LEF1: variants seen among roughly 807,000 people sequenced by gnomAD.
The protein encoded by LEF1 is lymphoid enhancer binding factor 1, also known as lymphoid enhancer-binding factor 1.
LEF1 carries 14 observed loss-of-function variants against 51.2 expected under a neutral mutation model. The ratio of observed to expected loss-of-function variants is 0.27; its 90% confidence interval spans 0.18 to 0.43. The LOEUF is 0.43. Among genes scored for constraint, LEF1 ranks in the 20% least tolerant of loss-of-function variants. The pLI is 1.00. For synonymous variants in LEF1, 185 were observed against 183.2 expected (o/e 1.01, Z -0.08); for missense variants, 386 against 512.0 (o/e 0.75, Z 2.37).
intron 10 of LEF1, 99 bp downstream of exon 10, chr4:108,064,237 A>G: frequency 6.8e-6 from 5 of 732,058 alleles, no homozygotes; most frequent in Non-Finnish European, 9.5e-6. Flanking sequence ...ATCATAAGTT[A>G]CAGTCACAGA....
chr4:108,089,283 G>T, intron 3 of LEF1, 26 bp from the exon 4 acceptor site: 1 of 1,603,538 alleles, frequency 6.2e-7, no homozygotes, highest in South Asian at 1.1e-5. Flanking sequence ...AAGGTCAATA[G>T]TTAATATGGA....
intron 1 of LEF1, chr4:108,166,166 T>C: frequency 1.7e-6 from 2 of 1,161,718 alleles, no homozygotes; most frequent in Non-Finnish European, 2.3e-6. Context: ...CGGGGTTAGG[T>C]GCACCCTACC....
intron 3 of LEF1, among the ~76,000 whole-genome samples, chr4:108,119,616 T>C (rs1181433954): frequency 1.3e-5 from 2 of 152,190 alleles, no homozygotes; most frequent in African/African-American, 4.8e-5. Context: ...TTTCAGGATG[T>C]GGCCTGTTTG....
intron 4 of LEF1, among the ~76,000 whole-genome samples, chr4:108,084,508 T>C (rs1055958311): frequency 3.3e-5 from 5 of 152,240 alleles, no homozygotes; most frequent in African/African-American, 9.6e-5. Context: ...GGAATTTCAT[T>C]TGTATCTTAA....
chr4:108,080,484 C>T (rs1739212239), intron 6 of LEF1, among the ~76,000 whole-genome samples: 1 of 152,166 alleles, frequency 6.6e-6, no homozygotes, highest in Non-Finnish European at 1.5e-5. Flanking sequence ...GAAAGGAACT[C>T]TGCTAGGATA....
At chr4:108,073,986 C>T (rs938162612) in intron 8 of LEF1, among the ~76,000 whole-genome samples, 17 of 152,010 alleles carry the variant, frequency 1.1e-4, no homozygotes, top group South Asian at 6.2e-4. Context: ...CCACCACGCC[C>T]GGCTACTTTT....
chr4:108,059,882 G>T (rs926743490), intron 11 of LEF1, among the ~76,000 whole-genome samples: 2 of 152,092 alleles, frequency 1.3e-5, no homozygotes, highest in African/African-American at 4.8e-5. Flanking sequence ...AAGGGATCTT[G>T]CCATGTTGCT....
At chr4:108,061,171 A>G (rs1010752649) in intron 11 of LEF1, among the ~76,000 whole-genome samples, 1 of 152,172 alleles carries the variant, frequency 6.6e-6, no homozygotes, top group African/African-American at 2.4e-5. Flanking sequence ...AGGAAGCTCA[A>G]CCAACTGGAG....
chr4:108,129,546 G>A (rs143332186), intron 3 of LEF1, among the ~76,000 whole-genome samples: 230 of 152,270 alleles, frequency 1.5e-3, no homozygotes, highest in African/African-American at 5.2e-3. Context: ...GAATAATGGA[G>A]AAGCAAAGGA....
chr4:108,098,339 G>C (rs544068695), intron 3 of LEF1, among the ~76,000 whole-genome samples: 2 of 152,212 alleles, frequency 1.3e-5, no homozygotes, highest in East Asian at 3.9e-4. Flanking sequence ...TGTGGGGGTG[G>C]GGTTCGGCAA....
chr4:108,067,751 A>G (rs1738176441), intron 9 of LEF1, among the ~76,000 whole-genome samples: 1 of 151,720 alleles, frequency 6.6e-6, no homozygotes, highest in Non-Finnish European at 1.5e-5. Context: ...CCTGGTCTCG[A>G]ATGCCTGACC....
rs1743376096 is a variant in LEF1 at position 108,137,544 on chromosome 4, T to C, written c.414+26024A>G. Reference sequence around the variant, plus strand: ...GGCACTGATTTGTTGGCATGAGGATTAGAGGCTGTGTGTGCTGGGGGGAAG... The same window carrying C: ...GGCACTGATTTGTTGGCATGAGGATCAGAGGCTGTGTGTGCTGGGGGGAAG... On this transcript the variant is annotated intron_variant, in intron 3 of 11. Coordinates refer to ENST00000265165, the MANE Select transcript of LEF1 (RefSeq NM_016269.5). Among the ~76,000 whole-genome samples the C allele has an allele frequency of 2.0e-5, 3 of 152,302 alleles. No individual in the cohort carries two copies. The South Asian group carries it at 6.2e-4, about 32-fold the overall frequency.
intron 11 of LEF1, among the ~76,000 whole-genome samples, chr4:108,058,855 A>G (rs989464193): frequency 3.9e-5 from 6 of 152,212 alleles, no homozygotes; most frequent in African/African-American, 1.4e-4. Context: ...TTGCGTGGTG[A>G]GTAAACAAGT....
intron 3 of LEF1, among the ~76,000 whole-genome samples, chr4:108,106,236 C>T (rs564906118): frequency 1.7e-4 from 26 of 152,316 alleles, no homozygotes; most frequent in African/African-American, 6.0e-4. Flanking sequence ...AGTAAAATCT[C>T]ATCACTATTC....
chr4:108,068,175 G>A (rs1738208784), intron 9 of LEF1, among the ~76,000 whole-genome samples: 1 of 152,108 alleles, frequency 6.6e-6, no homozygotes, highest in Non-Finnish European at 1.5e-5. Flanking sequence ...GCTGAGGCTG[G>A]AGAATCGCTT....
At chr4:108,160,922 G>C (rs1470491617) in intron 3 of LEF1, among the ~76,000 whole-genome samples, 1 of 152,068 alleles carries the variant, frequency 6.6e-6, no homozygotes, top group African/African-American at 2.4e-5. Context: ...TGTTTTTCCA[G>C]TCCTAACACT....
At chr4:108,098,177 A>C (rs959015601) in intron 3 of LEF1, among the ~76,000 whole-genome samples, 2 of 152,164 alleles carry the variant, frequency 1.3e-5, no homozygotes, top group African/African-American at 4.8e-5. Flanking sequence ...TGGCATATTC[A>C]GAGGGAGGGA....
intron 3 of LEF1, among the ~76,000 whole-genome samples, chr4:108,134,030 G>A (rs1248909170): frequency 6.6e-6 from 1 of 152,064 alleles, no homozygotes; most frequent in Non-Finnish European, 1.5e-5. Flanking sequence ...CCCCAGTGGG[G>A]TCCAGGGAAG....
chr4:108,057,861 ATTTT>A (rs1288829987), intron 11 of LEF1, among the ~76,000 whole-genome samples: 1 of 150,416 alleles, frequency 6.6e-6, no homozygotes, highest in Non-Finnish European at 1.5e-5. Flanking sequence ...TAAGCAGATG[ATTTT>A]TTTTATCTTT....
Sources: gnomAD v4.1 joint callset for allele counts (sites outside exome capture counted in the v4.1 genomes callset) on GRCh38, gnomAD v4.1.1 for gene constraint, MANE v1.5 for transcripts, NCBI Gene and HGNC (gene_info 2026-07-23, HGNC 2026-07-21) for gene names.